Variants in ARB2A observed in about 807,000 individuals in gnomAD.
ARB2A encodes ARB2 cotranscriptional regulator A.
the ARB2A span, among the ~76,000 whole-genome samples, chr5:93,702,462 T>C: frequency 6.6e-6 from 1 of 152,204 alleles, no homozygotes; most frequent in South Asian, 2.1e-4. Flanking sequence ...TCGATTTGTC[T>C]ACCTAGTATC....
chr5:93,956,101 C>T, the ARB2A span, among the ~76,000 whole-genome samples: 1 of 152,222 alleles, frequency 6.6e-6, no homozygotes, highest in African/African-American at 2.4e-5. Flanking sequence ...ATGGCAACCT[C>T]AGAAGCACTT....
the ARB2A span, among the ~76,000 whole-genome samples, chr5:94,066,434 A>G: frequency 6.7e-6 from 1 of 149,412 alleles, no homozygotes; most frequent in Admixed American, 6.6e-5. Context: ...ACACACACAC[A>G]CACACACACA....
At chr5:93,919,811 A>G in the ARB2A span, among the ~76,000 whole-genome samples, 1 of 152,136 alleles carries the variant, frequency 6.6e-6, no homozygotes. Flanking sequence ...GTCTCTTTCA[A>G]ATGAACTTTA....
the ARB2A span, among the ~76,000 whole-genome samples, chr5:93,932,340 G>A: frequency 1.3e-5 from 2 of 152,164 alleles, no homozygotes; most frequent in African/African-American, 4.8e-5. Flanking sequence ...CAGATATCTT[G>A]TTAGATAGAC....
chr5:93,687,798 G>A, the ARB2A span, among the ~76,000 whole-genome samples: 2 of 151,836 alleles, frequency 1.3e-5, no homozygotes, highest in Admixed American at 6.6e-5. Context: ...TTTTTAGAAT[G>A]GCCATTTTAA....
chr5:93,813,430 A>G, the ARB2A span, among the ~76,000 whole-genome samples: 2 of 152,204 alleles, frequency 1.3e-5, no homozygotes, highest in Non-Finnish European at 2.9e-5. Context: ...GAAATGAGCA[A>G]GAAATTATTA....
the ARB2A span, chr5:93,739,056 G>C: frequency 1.3e-5 from 2 of 152,102 alleles, no homozygotes; most frequent in African/African-American, 4.8e-5. Flanking sequence ...ATTATCCCTG[G>C]ACTTGAGGTC....
chr5:93,720,292 T>G, the ARB2A span, among the ~76,000 whole-genome samples: 1 of 152,228 alleles, frequency 6.6e-6, no homozygotes, highest in African/African-American at 2.4e-5. Context: ...GCTTGCCAGT[T>G]TACAATGCAG....
chr5:93,847,130 T>C, the ARB2A span, among the ~76,000 whole-genome samples: 2 of 152,206 alleles, frequency 1.3e-5, no homozygotes, highest in Non-Finnish European at 2.9e-5. Context: ...TCTCTGCTCA[T>C]CTGTAAGAGG....
chr5:94,101,055 T>C, the ARB2A span, among the ~76,000 whole-genome samples: 1 of 151,794 alleles, frequency 6.6e-6, no homozygotes, highest in African/African-American at 2.4e-5. Flanking sequence ...TTGGCAAAAA[T>C]GGAGATTCAG....
the ARB2A span, among the ~76,000 whole-genome samples, chr5:93,706,197 G>GAAT: frequency 5.9e-5 from 9 of 152,116 alleles, no homozygotes; most frequent in Non-Finnish European, 1.2e-4. Context: ...CTATACAATA[G>GAAT]AATATTATCT....
chr5:93,942,712 A>T, the ARB2A span, among the ~76,000 whole-genome samples: 1 of 151,850 alleles, frequency 6.6e-6, no homozygotes, highest in African/African-American at 2.4e-5. Flanking sequence ...TATTAAAGTA[A>T]AACCTACTCA....
chr5:94,016,082 G>T, the ARB2A span, among the ~76,000 whole-genome samples: 1 of 152,174 alleles, frequency 6.6e-6, no homozygotes, highest in Admixed American at 6.5e-5. Flanking sequence ...TGAAAGTGAA[G>T]GGTGGAAAAA....
the ARB2A span, among the ~76,000 whole-genome samples, chr5:93,907,821 T>G: frequency 6.6e-6 from 1 of 151,422 alleles, no homozygotes; most frequent in Non-Finnish European, 1.5e-5. Flanking sequence ...TAGGAAGACA[T>G]GTATCATGGC....
At chr5:94,055,736 T>G in the ARB2A span, 2 of 985,436 alleles carry the variant, frequency 2.0e-6, no homozygotes, top group Non-Finnish European at 2.4e-6. Context: ...CAGAATGTTC[T>G]CATTTTCCTT....
At chr5:93,695,130 C>CA in the ARB2A span, among the ~76,000 whole-genome samples, 1 of 152,086 alleles carries the variant, frequency 6.6e-6, no homozygotes, top group Non-Finnish European at 1.5e-5. Flanking sequence ...CAGGCATGAA[C>CA]AAAGACTTCA....
chr5:93,850,878 TTAAA>T, the ARB2A span, among the ~76,000 whole-genome samples: 1 of 152,224 alleles, frequency 6.6e-6, no homozygotes, highest in Non-Finnish European at 1.5e-5. Flanking sequence ...AATATCCTAC[TTAAA>T]TAAATTTAAT....
At chr5:93,709,632 CAAAAAA>C in the ARB2A span, among the ~76,000 whole-genome samples, 7 of 41,696 alleles carry the variant, frequency 1.7e-4, no homozygotes, top group African/African-American at 5.2e-4. Flanking sequence ...GACTCTGTCA[CAAAAAA>C]AAAAAAAAAA....
the ARB2A span, among the ~76,000 whole-genome samples, chr5:94,000,465 A>C: frequency 6.6e-6 from 1 of 152,006 alleles, no homozygotes; most frequent in African/African-American, 2.4e-5. Flanking sequence ...TAGCTTCTTT[A>C]GTGAGGTGTC....
Sources: allele counts gnomAD v4.1 joint callset (sites outside exome capture counted in the v4.1 genomes callset), GRCh38; gene constraint gnomAD v4.1.1; transcripts MANE v1.5; gene names NCBI Gene and HGNC (gene_info 2026-07-23, HGNC 2026-07-21).